Variants in EEA1 observed in about 807,000 individuals in gnomAD.
EEA1 encodes early endosome antigen 1, 162kD.
A neutral mutation model predicts 209.2 loss-of-function variants in EEA1; 111 were observed. The ratio of observed to expected loss-of-function variants is 0.53; its 90% CI spans 0.45 to 0.62. EEA1 has a LOEUF of 0.62. EEA1 is among the 20% of genes least tolerant of loss of function. The pLI is 0.00. For synonymous variants in EEA1, 536 were observed against 540.6 expected (o/e 0.99, Z 0.12); for missense variants, 1,343 against 1,530.8 (o/e 0.88, Z 2.05).
Position 92,818,295 on chromosome 12 carries a change from A to G in EEA1, c.1728+1013T>C, listed in dbSNP as rs143132457. Among the ~76,000 whole-genome samples, 1,211 of 152,230 alleles carry G rather than the reference A, an allele frequency of 8.0e-3. 25 individuals carry two copies. Among genetic ancestry groups the G allele is most frequent in the African/African-American group, 0.027 (1,115 of 41,542 alleles). ...GCCACAGTCTGGAAAATGTCTCTGG[A>G]TCAAAAGTTAGTGTGGTCAAAGAGT... On this transcript the variant is annotated intron_variant, in intron 14 of 28. Transcript: ENST00000322349.
chr12:92,905,916 A>T (rs553278402), intron 1 of EEA1, among the ~76,000 whole-genome samples: 102 of 141,996 alleles, frequency 7.2e-4, no homozygotes, highest in African/African-American at 1.2e-3. Context: ...ATATATATAT[A>T]TTTTTAATAG....
intron 2 of EEA1, among the ~76,000 whole-genome samples, chr12:92,879,031 A>G (rs1403156415): frequency 6.6e-6 from 1 of 152,170 alleles, no homozygotes; most frequent in Admixed American, 6.6e-5. Flanking sequence ...AGGCCAGGAA[A>G]ACCCAGATAC....
chr12:92,832,219 G>C (rs1217338808), intron 11 of EEA1, among the ~76,000 whole-genome samples: 2 of 151,832 alleles, frequency 1.3e-5, no homozygotes, highest in Non-Finnish European at 2.9e-5. Context: ...AATTATAATA[G>C]CTAAAATCTA....
In EEA1 at chr12:92,776,889, T is replaced by C; in HGVS notation, c.4068A>G (p.Gln1356=). ...AGCCTTTCCCACAGGCCATACAGTT[T>C]TGTACTTCATTGTCTTCGGCCCACT... is the stretch of plus-strand genomic sequence containing the variant. The part of the protein sequence containing the change: ...NRKWAEDNEV[Q]NCMACGKGFS... Residue 1356 remains glutamine (Q), a synonymous_variant, in exon 28 of 29, where the codon CAA becomes CAG. Coordinates refer to ENST00000322349, the MANE Select transcript of EEA1 (RefSeq NM_003566.4). 1.2e-6 allele frequency: 2 copies of C among 1,612,030 alleles called. No individual in the cohort carries two copies. Among genetic ancestry groups the C allele is most frequent in the Non-Finnish European group, 1.7e-6 (2 of 1,178,464 alleles).
At chr12:92,893,777 T>C (rs1879757125) in intron 1 of EEA1, among the ~76,000 whole-genome samples, 1 of 152,200 alleles carries the variant, frequency 6.6e-6, no homozygotes, top group South Asian at 2.1e-4. Context: ...TTTAGATCCA[T>C]ACTTGAATTG....
intron 11 of EEA1, among the ~76,000 whole-genome samples, chr12:92,830,321 CCCACCTT>C (rs1447649212): frequency 6.6e-6 from 1 of 152,076 alleles, no homozygotes; most frequent in Non-Finnish European, 1.5e-5. Context: ...TCACCCTCCT[CCCACCTT>C]CCACCCTCAA....
chr12:92,913,447 A>G (rs939710833), intron 1 of EEA1, among the ~76,000 whole-genome samples: 5 of 152,074 alleles, frequency 3.3e-5, no homozygotes, highest in Non-Finnish European at 7.4e-5. Context: ...TTGTCAGATG[A>G]ATAGTTTGCA....
At chr12:92,788,530 G>C (rs1021581564) in intron 21 of EEA1, among the ~76,000 whole-genome samples, 29 of 152,092 alleles carry the variant, frequency 1.9e-4, no homozygotes, top group African/African-American at 6.3e-4. Context: ...TATCAAGGCA[G>C]AAAAAGAAAA....
At chr12:92,821,698 A>G (rs898004774) in intron 13 of EEA1, among the ~76,000 whole-genome samples, 1 of 152,016 alleles carries the variant, frequency 6.6e-6, no homozygotes, top group Non-Finnish European at 1.5e-5. Context: ...TATTATCTCT[A>G]CATTCTCAAT....
At chr12:92,856,508 A>C (rs1411984010) in intron 5 of EEA1, among the ~76,000 whole-genome samples, 2 of 152,028 alleles carry the variant, frequency 1.3e-5, no homozygotes, top group African/African-American at 4.8e-5. Context: ...TTTTTTAAAA[A>C]CTTAACATTG....
At chr12:92,900,085 T>G (rs762570580) in intron 1 of EEA1, among the ~76,000 whole-genome samples, 8 of 152,180 alleles carry the variant, frequency 5.3e-5, no homozygotes, top group Non-Finnish European at 8.8e-5. Flanking sequence ...AAACCTACTA[T>G]GCTGATCCTA....
In EEA1 at chr12:92,816,405, T is replaced by G; in HGVS notation, c.1729-5A>C. 6.2e-7 allele frequency: 1 copy of G among 1,612,432 alleles called. No individual in the cohort carries two copies. The highest frequency in any genetic ancestry group is 8.5e-7 in the Non-Finnish European group (1 of 1,178,652). On this transcript the variant is annotated splice_polypyrimidine_tract_variant and splice_region_variant and intron_variant, in intron 14 of 28. Coordinates refer to ENST00000322349, the MANE Select transcript of EEA1 (RefSeq NM_003566.4). ...CTTCTCTGTTAGTTGAGTTACCTGT[T>G]ATACAAGTAAGACTAATCGTGAAGT...
At chr12:92,863,973 T>G (rs1440172740) in intron 3 of EEA1, among the ~76,000 whole-genome samples, 1 of 152,218 alleles carries the variant, frequency 6.6e-6, no homozygotes, top group Non-Finnish European at 1.5e-5. Flanking sequence ...TTTTAATGTA[T>G]TTCCTAACAA....
Position 92,852,568 on chromosome 12 carries a change from ATATG to A in EEA1, c.521-276_521-273del, listed in dbSNP as rs569275503. 2.1e-3 allele frequency among the ~76,000 whole-genome samples: 320 copies of A among 152,282 alleles called. 1 individual carries two copies. Among genetic ancestry groups the A allele is most frequent in the African/African-American group, 7.5e-3 (311 of 41,574 alleles). Reference sequence around the variant, plus strand: ...CTAAAAGCACATGTTAAAAACATATATATGTAATAGTATAACCAAGTGTTACATT... The same window carrying A: ...CTAAAAGCACATGTTAAAAACATATATAATAGTATAACCAAGTGTTACATT... On this transcript the variant is annotated intron_variant, in intron 7 of 28. Transcript: ENST00000322349.
intron 9 of EEA1, among the ~76,000 whole-genome samples, chr12:92,846,507 T>C (rs1012513279): frequency 1.3e-5 from 2 of 152,200 alleles, no homozygotes; most frequent in Admixed American, 6.5e-5. Flanking sequence ...AAACTGGGAT[T>C]CAATGAGTTT....
At chr12:92,784,520 TAAC>T (rs1389175594) in intron 22 of EEA1, among the ~76,000 whole-genome samples, 1 of 152,188 alleles carries the variant, frequency 6.6e-6, no homozygotes, top group Non-Finnish European at 1.5e-5. Flanking sequence ...CCCTAACCTC[TAAC>T]CACAAGATTT....
chr12:92,914,186 T>C (rs1880682034), intron 1 of EEA1, among the ~76,000 whole-genome samples: 1 of 152,018 alleles, frequency 6.6e-6, no homozygotes, highest in African/African-American at 2.4e-5. Flanking sequence ...CATGCCCCCA[T>C]GGCCTCTGCC....
At chr12:92,891,245 A>T (rs191793647) in intron 2 of EEA1, among the ~76,000 whole-genome samples, 1 of 152,244 alleles carries the variant, frequency 6.6e-6, no homozygotes, top group Admixed American at 6.5e-5. Context: ...AAAGTCATAC[A>T]TGAAGACAGT....
At chr12:92,828,631 T>C (rs1876439403) in intron 11 of EEA1, among the ~76,000 whole-genome samples, 1 of 150,472 alleles carries the variant, frequency 6.6e-6, no homozygotes, top group African/African-American at 2.4e-5. Flanking sequence ...TATATATATA[T>C]ATATGGTGAC....
Sources: gnomAD v4.1 joint callset for allele counts (sites outside exome capture counted in the v4.1 genomes callset) on GRCh38, gnomAD v4.1.1 for gene constraint, MANE v1.5 for transcripts, NCBI Gene and HGNC (gene_info 2026-07-23, HGNC 2026-07-21) for gene names.